The following FOXL1 variants were observed in gnomAD, a reference collection of about 807,000 sequenced individuals.
FOXL1 encodes forkhead box L1.
A neutral mutation model predicts 1.7 loss-of-function variants in FOXL1; 2 were observed. That is an observed-to-expected ratio of 1.21 (90% CI 0.49 to 3.80). FOXL1 has a LOEUF of 3.80. Ranked by LOEUF, FOXL1 falls within the 30% of genes most tolerant of loss-of-function variation. The probability of loss-of-function intolerance (pLI) is 0.07; values close to 1 mark genes in which losing one functional copy is unlikely to be tolerated. For synonymous variants in FOXL1, 280 were observed against 229.3 expected (o/e 1.22, Z -2.00); for missense variants, 565 against 495.8 (o/e 1.14, Z -1.32).
In FOXL1 at chr16:86,582,726, T is replaced by C. The variant is rs1013612981; in HGVS notation, c.*2965T>C. On this transcript the variant is annotated 3_prime_UTR_variant, in exon 1 of 1. Transcript: ENST00000320241. ...TAAATGTATCTTTTTTGAATATACC[T>C]GAGACTCAGATCAAGTACTGAGTCC... 1.3e-5 allele frequency among the ~76,000 whole-genome samples: 2 copies of C among 152,156 alleles called. No homozygotes were observed. The highest frequency in any genetic ancestry group is 4.8e-5 in the African/African-American group (2 of 41,418).
Position 86,582,424 on chromosome 16 carries a change from T to C in FOXL1, c.*2663T>C, listed in dbSNP as rs1597407437. ...AGAAGCAAGCTTATCATTGTACTCT[T>C]AGGCAATCTGAAGGAATACCTCTCT... On this transcript the variant is annotated 3_prime_UTR_variant, in exon 1 of 1. Coordinates refer to ENST00000320241, the MANE Select transcript of FOXL1 (RefSeq NM_005250.3). 1.3e-5 allele frequency among the ~76,000 whole-genome samples: 2 copies of C among 152,190 alleles called. No homozygotes were observed. Among genetic ancestry groups the C allele is most frequent in the South Asian group, 4.1e-4 (2 of 4,830 alleles).
Position 86,579,526 on chromosome 16 carries a change from C to A in FOXL1, c.803C>A (p.Ala268Glu), listed in dbSNP as rs1315784346. 1 of 1,606,214 alleles carries A rather than the reference C, an allele frequency of 6.2e-7. No homozygotes were observed. Among genetic ancestry groups the A allele is most frequent in the Non-Finnish European group, 8.5e-7 (1 of 1,176,650 alleles). Residue 268 changes from alanine to glutamate, a missense_variant, in exon 1 of 1, where the codon GCG becomes GAG. Ala to Glu is a moderately radical substitution (Grantham distance 107). Transcript: ENST00000320241. ...SKSFSIDSIL[A>E]GKQGQKPPSG... ...AGCTTCAGCATAGACAGCATCCTGG[C>A]GGGAAAGCAGGGCCAGAAGCCGCCT...
Position 86,579,256 on chromosome 16 carries a change from G to C in FOXL1, c.533G>C (p.Gly178Ala). ...CCGGAGGCGGGGAGCGGGGCAGGGG[G>C]CTCGGGCCCCGCAATCTCCCGCCTG... is the stretch of plus-strand genomic sequence containing the variant. ...AQPEAGSGAGGSGPAISRLQA... is the reference protein window; with the variant it reads ...AQPEAGSGAGASGPAISRLQA... Residue 178 changes from glycine (G) to alanine (A), a missense_variant, in exon 1 of 1, where the codon GGC (glycine) becomes GCC (alanine). Physicochemically the swap from Gly to Ala is moderately conservative, Grantham distance 60. Transcript: ENST00000320241. The C allele has an allele frequency of 7.0e-7, 1 of 1,434,272 alleles. No individual in the cohort carries two copies. Among genetic ancestry groups the C allele is most frequent in the Non-Finnish European group, 9.1e-7 (1 of 1,103,096 alleles). 88.8% of individuals were successfully genotyped at this position (1,434,272 alleles called of 1,614,324 possible).
rs1184098877 is a variant in FOXL1 at position 86,582,111 on chromosome 16, C to T, written c.*2350C>T. 1 of 152,048 alleles carries T rather than the reference C, an allele frequency of 6.6e-6. No homozygotes were observed. Among genetic ancestry groups the T allele is most frequent in the Non-Finnish European group, 1.5e-5 (1 of 68,010 alleles). The allele number at this position is 152,048 out of a possible 1,614,324, so 9.4% of individuals were successfully genotyped here. On this transcript the variant is annotated 3_prime_UTR_variant, in exon 1 of 1. Transcript: ENST00000320241. ...TGACACAGAAAAAATGCAGATGTAT[C>T]CACTTTGTGTGTTTATACATGCATA...
chr16:86,579,164 GGGCCCCGGGGCCCCGGAGGCCAAGA>G lies in FOXL1; in HGVS notation c.449_473del (p.Gly150AlafsTer106), dbSNP rs1974377343. The stretch of plus-strand genomic sequence containing the variant: ...GGCGCCGGAAGAGGAAGCCCAAGCC[GGGCCCCGGGGCCCCGGAGGCCAAGA>G]GGCCCCGCGCCGAGACGCACCAGCG... On this transcript the variant is annotated frameshift_variant, in exon 1 of 1. Coordinates refer to ENST00000320241, the MANE Select transcript of FOXL1 (RefSeq NM_005250.3). LOFTEE classifies it low-confidence loss of function (END_TRUNC). The G allele has an allele frequency of 6.2e-7, 1 of 1,607,390 alleles. No individual in the cohort carries two copies. The highest frequency in any genetic ancestry group is 1.7e-5 in the Admixed American group (1 of 59,016).
chr16:86,579,831 A>C lies in FOXL1; in HGVS notation c.*70A>C. ...CGCTGAGCGAAAGGCCACAGCTCCC[A>C]CCGGCGGAGGATTTTAAAATGATCT... On this transcript the variant is annotated 3_prime_UTR_variant, in exon 1 of 1. Transcript: ENST00000320241. The C allele has an allele frequency of 7.3e-7, 1 of 1,366,288 alleles. No individual in the cohort carries two copies. Among genetic ancestry groups the C allele is most frequent in the Non-Finnish European group, 1.0e-6 (1 of 975,806 alleles). The allele number at this position is 1,366,288 out of a possible 1,614,324, so 84.6% of individuals were successfully genotyped here.
At position 86,579,713 on chromosome 16, in the gene FOXL1, C is replaced by T. The variant is rs765429672; in HGVS notation, c.990C>T (p.Leu330=). 4 of 1,613,584 alleles carry T rather than the reference C, an allele frequency of 2.5e-6. No individual in the cohort carries two copies. Among genetic ancestry groups the T allele is most frequent in the Non-Finnish European group, 3.4e-6 (4 of 1,179,904 alleles). The stretch of plus-strand genomic sequence containing the variant: ...TTTACCAGCTCGGGATCCCCTTCCT[C>T]TCTTATTTCCCCCTGCAGGTTCCCG... ...GGFYQLGIPF[L]SYFPLQVPDT... The change falls in exon 1 of 1, where the codon CTC becomes CTT. Residue 330 remains leucine, a synonymous_variant. Transcript: ENST00000320241.
In FOXL1 at chr16:86,579,041, C is replaced by T. The variant is rs754925600; in HGVS notation, c.318C>T (p.Cys106=). The T allele has an allele frequency of 1.1e-5, 18 of 1,614,104 alleles. No homozygotes were observed. Among genetic ancestry groups the T allele is most frequent in the Non-Finnish European group, 1.5e-5 (18 of 1,179,982 alleles). ...GCCACAACCTCTCGCTCAACGACTG[C>T]TTCGTCAAGGTGCCCCGCGAGAAAG... is the stretch of plus-strand genomic sequence containing the variant. ...SIRHNLSLND[C]FVKVPREKGR... is the part of the protein sequence containing the mutation. The change falls in exon 1 of 1, where the codon TGC becomes TGT. Residue 106 remains cysteine (C), a synonymous_variant. Transcript: ENST00000320241.
rs779829411 is a variant in FOXL1 at position 86,578,833 on chromosome 16, C to T, written c.110C>T (p.Ala37Val). ...CCTCTGGCCTTCGCCCCCGCGGCTG[C>T]TCTAGCTGCCTCGGGCCGGGCCGAG... ...GLPLAFAPAA[A>V]LAASGRAETP... is the part of the protein sequence containing the mutation. The change falls in exon 1 of 1, where the codon GCT becomes GTT. Residue 37 changes from alanine (A) to valine (V), a missense_variant. Physicochemically the swap from Ala to Val is moderately conservative, Grantham distance 64. Coordinates refer to ENST00000320241, the MANE Select transcript of FOXL1 (RefSeq NM_005250.3). The T allele has an allele frequency of 3.7e-6, 6 of 1,613,598 alleles. No individual in the cohort carries two copies. The East Asian group carries it at 8.9e-5, about 24-fold the overall frequency.
Position 86,579,913 on chromosome 16 carries a change from G to A in FOXL1, c.*152G>A. 1 of 766,476 alleles carries A rather than the reference G, an allele frequency of 1.3e-6. No individual in the cohort carries two copies. The highest frequency in any genetic ancestry group is 2.1e-6 in the Non-Finnish European group (1 of 476,328). 47.5% of individuals were successfully genotyped at this position (766,476 alleles called of 1,614,324 possible). ...TGTTACCAACCATTGCGCGCAGGTG[G>A]GCGCGCTCGCCTGCCTTCTCCGAAG... On this transcript the variant is annotated 3_prime_UTR_variant, in exon 1 of 1. Coordinates refer to ENST00000320241, the MANE Select transcript of FOXL1 (RefSeq NM_005250.3).
rs1037229829 is a variant in FOXL1 at position 86,582,638 on chromosome 16, C to T, written c.*2877C>T. On this transcript the variant is annotated 3_prime_UTR_variant, in exon 1 of 1. Transcript: ENST00000320241. ...GTACACGTTTATATATATGTATATA[C>T]ATATATATACATGAATGTGTAGGGG... Among the ~76,000 whole-genome samples, 1 of 151,702 alleles carries T rather than the reference C, an allele frequency of 6.6e-6. No homozygotes were observed. Among genetic ancestry groups the T allele is most frequent in the Non-Finnish European group, 1.5e-5 (1 of 67,960 alleles).
In FOXL1 at chr16:86,579,700, G is replaced by A; in HGVS notation, c.977G>A (p.Gly326Glu). The A allele has an allele frequency of 3.1e-6, 5 of 1,605,204 alleles. No individual in the cohort carries two copies. The highest frequency in any genetic ancestry group is 3.4e-6 in the Non-Finnish European group (4 of 1,172,512). Residue 326 changes from glycine to glutamate, a missense_variant, in exon 1 of 1, where the codon GGG (glycine) becomes GAG (glutamate). Transcript: ENST00000320241. ...GTCCAGGGCGGCTTTTACCAGCTCG[G>A]GATCCCCTTCCTCTCTTATTTCCCC... ...PHVQGGFYQL[G>E]IPFLSYFPLQ...
At position 86,579,358 on chromosome 16, in the gene FOXL1, C is replaced by T. The variant is rs1472443426; in HGVS notation, c.635C>T (p.Ala212Val). Reference sequence around the variant, plus strand: ...GCGCCCCTCCACTGGCCGGGGACCGCGTCCCCGAACGAGGACGCTGGTGAC... The same window carrying T: ...GCGCCCCTCCACTGGCCGGGGACCGTGTCCCCGAACGAGGACGCTGGTGAC... ...PPAPLHWPGT[A>V]SPNEDAGDAA... The change falls in exon 1 of 1, where the codon GCG becomes GTG. Residue 212 changes from alanine to valine, a missense_variant. Coordinates refer to ENST00000320241, the MANE Select transcript of FOXL1 (RefSeq NM_005250.3). 2.0e-6 allele frequency: 3 copies of T among 1,494,274 alleles called. No homozygotes were observed. Among genetic ancestry groups the T allele is most frequent in the African/African-American group, 1.5e-5 (1 of 68,672 alleles). 92.6% of individuals were successfully genotyped at this position (1,494,274 alleles called of 1,614,324 possible).
rs1428093979 is a variant in FOXL1, at chr16:86,578,698, G to A, written c.-26G>A. 7 of 1,568,168 alleles carry A rather than the reference G, an allele frequency of 4.5e-6. No homozygotes were observed. The highest frequency in any genetic ancestry group is 6.1e-6 in the Non-Finnish European group (7 of 1,154,174). ...CCGCCCGGGTCTCCTGCGTTGCGGG[G>A]AGCGCAGCGCAGGCTCTCGCTTGCC... is the stretch of plus-strand genomic sequence containing the variant. On this transcript the variant is annotated 5_prime_UTR_variant, in exon 1 of 1. Coordinates refer to ENST00000320241, the MANE Select transcript of FOXL1 (RefSeq NM_005250.3).
Position 86,581,104 on chromosome 16 carries a change from A to C in FOXL1, c.*1343A>C, listed in dbSNP as rs549562290. 6.0e-6 allele frequency: 1 copy of C among 167,184 alleles called. No homozygotes were observed. The highest frequency in any genetic ancestry group is 1.9e-4 in the East Asian group (1 of 5,178). 10.4% of individuals were successfully genotyped at this position (167,184 alleles called of 1,614,324 possible). A position where few individuals can be genotyped will look rare whatever the true frequency, so the allele number is the denominator to read the frequency against. ...GAGAAGAGGTCTGCAACGAAAATCTAATTAAGAACATTGAGATGTTCACAA... is the reference window on the plus strand; with the variant it reads ...GAGAAGAGGTCTGCAACGAAAATCTCATTAAGAACATTGAGATGTTCACAA... On this transcript the variant is annotated 3_prime_UTR_variant, in exon 1 of 1. Transcript: ENST00000320241.
rs1272321242 is a variant in FOXL1, at chr16:86,582,819, G to C, written c.*3058G>C. On this transcript the variant is annotated 3_prime_UTR_variant, in exon 1 of 1. Coordinates refer to ENST00000320241, the MANE Select transcript of FOXL1 (RefSeq NM_005250.3). ...TTTTTCTATATAGTTTTTAAAAATA[G>C]ATAATAATTTCTATATAGCTTTAAT... Among the ~76,000 whole-genome samples the C allele has an allele frequency of 4.6e-5, 7 of 151,954 alleles. No homozygotes were observed. Among genetic ancestry groups the C allele is most frequent in the Admixed American group, 3.9e-4 (6 of 15,250 alleles).
chr16:86,579,434 G>C lies in FOXL1; in HGVS notation c.711G>C (p.Gly237=). 1 of 1,546,722 alleles carries C rather than the reference G, an allele frequency of 6.5e-7. No individual in the cohort carries two copies. The highest frequency in any genetic ancestry group is 8.7e-7 in the Non-Finnish European group (1 of 1,146,216). Residue 237 remains glycine, a synonymous_variant, in exon 1 of 1, where the codon GGG becomes GGC. Transcript: ENST00000320241. Reference sequence around the variant, plus strand: ...CGGTCGGCCAGGCAGCGCGCACAGGGGACGGCCCGGGGTCCCCTCTGCGCC... The same window carrying C: ...CGGTCGGCCAGGCAGCGCGCACAGGCGACGGCCCGGGGTCCCCTCTGCGCC... ...AVAVGQAART[G]DGPGSPLRPA...
rs1331369082 is a variant in FOXL1 at position 86,580,664 on chromosome 16, A to G, written c.*903A>G. 3 of 166,934 alleles carry G rather than the reference A, an allele frequency of 1.8e-5. No individual in the cohort carries two copies. Among genetic ancestry groups the G allele is most frequent in the African/African-American group, 4.8e-5 (2 of 41,432 alleles). 10.3% of individuals were successfully genotyped at this position (166,934 alleles called of 1,614,324 possible). A position where few individuals can be genotyped will look rare whatever the true frequency, so the allele number is the denominator to read the frequency against. On this transcript the variant is annotated 3_prime_UTR_variant, in exon 1 of 1. Coordinates refer to ENST00000320241, the MANE Select transcript of FOXL1 (RefSeq NM_005250.3). Reference sequence around the variant, plus strand: ...GCTTTTGTTTTTAAGGGATCAAAATATTTCAAGGGATACCATGAGGAAGGG... The same window carrying G: ...GCTTTTGTTTTTAAGGGATCAAAATGTTTCAAGGGATACCATGAGGAAGGG...
Position 86,580,057 on chromosome 16 carries a change from CCTGT to C in FOXL1, c.*299_*302del. On this transcript the variant is annotated 3_prime_UTR_variant, in exon 1 of 1. Transcript: ENST00000320241. ...CCGCGGGAGATTCCTTGACGTTTGA[CCTGT>C]CTAATGGAGTGTGGTCTTCAGCCGC... The C allele has an allele frequency of 2.1e-6, 1 of 479,664 alleles. No homozygotes were observed. Among genetic ancestry groups the C allele is most frequent in the Non-Finnish European group, 3.9e-6 (1 of 254,614 alleles). 29.7% of individuals were successfully genotyped at this position (479,664 alleles called of 1,614,324 possible). A position where few individuals can be genotyped will look rare whatever the true frequency, so the allele number is the denominator to read the frequency against.
Sources: allele counts gnomAD v4.1 joint callset (sites outside exome capture counted in the v4.1 genomes callset), GRCh38; gene constraint gnomAD v4.1.1; transcripts MANE v1.5; gene names NCBI Gene and HGNC (gene_info 2026-07-23, HGNC 2026-07-21).